FYN: variants seen among roughly 807,000 people sequenced by gnomAD.
FYN encodes the protein FYN proto-oncogene, Src family tyrosine kinase.
Under a neutral mutation model 70.2 loss-of-function variants are expected in FYN, and 10 were observed. That is an observed-to-expected ratio of 0.14 (90% CI 0.09 to 0.24). The LOEUF (loss-of-function observed/expected upper bound fraction) is 0.24, where lower values mean the gene tolerates loss of function less well. Among genes scored for constraint, FYN ranks in the 10% least tolerant of loss-of-function variants. The probability of loss-of-function intolerance (pLI) is 1.00; values close to 1 mark genes in which losing one functional copy is unlikely to be tolerated. For synonymous variants in FYN, 236 were observed against 248.6 expected (o/e 0.95, Z 0.48); for missense variants, 319 against 673.1 (o/e 0.47, Z 5.82).
chr6:111,709,321 C>T (rs566372308), intron 5 of FYN, among the ~76,000 whole-genome samples: 10 of 152,276 alleles, frequency 6.6e-5, no homozygotes, highest in African/African-American at 1.4e-4. Context: ...AATAATCAGC[C>T]TCCACATTAA....
At chr6:111,867,460 A>AAG (rs72341435) in intron 1 of FYN, among the ~76,000 whole-genome samples, 68 of 109,142 alleles carry the variant, frequency 6.2e-4, no homozygotes, top group Admixed American at 3.1e-3. Context: ...CGTCTCGGGA[A>AAG]AAAAAAAAAA....
At chr6:111,672,920 G>A (rs1485472988) in intron 13 of FYN, among the ~76,000 whole-genome samples, 3 of 152,044 alleles carry the variant, frequency 2.0e-5, no homozygotes, top group African/African-American at 7.2e-5. Flanking sequence ...CCTTCTCCAA[G>A]GCCCCCACCT....
intron 2 of FYN, among the ~76,000 whole-genome samples, chr6:111,817,982 A>G (rs1407687690): frequency 6.6e-6 from 1 of 152,212 alleles, no homozygotes; most frequent in Non-Finnish European, 1.5e-5. Context: ...CCATCTATGC[A>G]CATGTGCCCT....
chr6:111,851,519 G>C (rs55737150), intron 1 of FYN, among the ~76,000 whole-genome samples: 42,788 of 152,066 alleles, frequency 0.28, 8,959 homozygotes, highest in African/African-American at 0.6. Flanking sequence ...GTACCTAGAA[G>C]CACTAACTGC....
intron 3 of FYN, among the ~76,000 whole-genome samples, chr6:111,726,473 G>A (rs193200337): frequency 2.6e-5 from 4 of 152,296 alleles, no homozygotes; most frequent in East Asian, 3.9e-4. Flanking sequence ...CTTTACAAGG[G>A]AGGAAAAGAG....
intron 3 of FYN, among the ~76,000 whole-genome samples, chr6:111,751,467 C>T (rs201802907): frequency 1.2e-5 from 1 of 85,342 alleles, no homozygotes; most frequent in South Asian, 4.5e-4. Context: ...CAACAAAAAC[C>T]CCCCAAAACT....
intron 3 of FYN, among the ~76,000 whole-genome samples, chr6:111,733,010 CA>C (rs1440425293): frequency 2.0e-5 from 3 of 152,120 alleles, no homozygotes; most frequent in Non-Finnish European, 2.9e-5. Flanking sequence ...TTTGTTATAA[CA>C]GGGAGTCTGC....
At chr6:111,870,090 T>C (rs983298863) in intron 1 of FYN, among the ~76,000 whole-genome samples, 1 of 152,198 alleles carries the variant, frequency 6.6e-6, no homozygotes, top group African/African-American at 2.4e-5. Flanking sequence ...ATTCTGTATC[T>C]TTTTTCTGAG....
intron 3 of FYN, among the ~76,000 whole-genome samples, chr6:111,743,599 T>C (rs189265011): frequency 6.6e-6 from 1 of 152,172 alleles, no homozygotes; most frequent in East Asian, 1.9e-4. Context: ...AACTCCTGTA[T>C]ATTTGGTTAG....
chr6:111,825,551 T>C (rs2114386741), intron 2 of FYN, among the ~76,000 whole-genome samples: 1 of 152,318 alleles, frequency 6.6e-6, no homozygotes, highest in South Asian at 2.1e-4. Context: ...TAAGGTAAGA[T>C]AGAAGAATGC....
chr6:111,871,561 G>A (rs1420590454), intron 1 of FYN, among the ~76,000 whole-genome samples: 1 of 152,172 alleles, frequency 6.6e-6, no homozygotes, highest in African/African-American at 2.4e-5. Context: ...ACATCACTGG[G>A]CAGACAGGAT....
intron 2 of FYN, chr6:111,814,154 G>C (rs1443094538): frequency 6.6e-6 from 1 of 152,198 alleles, no homozygotes; most frequent in Non-Finnish European, 1.5e-5. Context: ...AAAAGCTACA[G>C]GGAAAAATCC....
chr6:111,805,159 G>A (rs1171294642), intron 2 of FYN, among the ~76,000 whole-genome samples: 1 of 152,074 alleles, frequency 6.6e-6, no homozygotes. Flanking sequence ...TATGGCCAAG[G>A]AGCAGGAACA....
At chr6:111,699,119 G>A (rs1023827451) in intron 9 of FYN, among the ~76,000 whole-genome samples, 8 of 152,138 alleles carry the variant, frequency 5.3e-5, no homozygotes, top group African/African-American at 1.7e-4. Context: ...TTTTACAGAT[G>A]AAAAAACTGA....
chr6:111,681,620 A>T (rs901576627), intron 12 of FYN, among the ~76,000 whole-genome samples: 6 of 152,208 alleles, frequency 3.9e-5, no homozygotes, highest in Non-Finnish European at 7.3e-5. Flanking sequence ...CCTCAGCTCC[A>T]GTCCCACCTC....
At chr6:111,712,980 G>C (rs1180363482) in intron 5 of FYN, among the ~76,000 whole-genome samples, 1 of 152,150 alleles carries the variant, frequency 6.6e-6, no homozygotes, top group East Asian at 1.9e-4. Context: ...GTACACTTTT[G>C]ATACGTGCAC....
intron 13 of FYN, among the ~76,000 whole-genome samples, chr6:111,662,818 G>C (rs9387024): frequency 0.4 from 61,032 of 152,088 alleles, 13,770 homozygotes; most frequent in East Asian, 0.55. Flanking sequence ...AGTGCCCTGA[G>C]GTTTGGTGAA....
intron 9 of FYN, 189 bp downstream of exon 9, chr6:111,699,913 CTT>C (rs71021861): frequency 0.045 from 8,383 of 184,672 alleles, 4 homozygotes; most frequent in East Asian, 0.086. Context: ...CACTTACTAT[CTT>C]TTTTTTTTTT....
chr6:111,864,658 A>C (rs1774057140), intron 1 of FYN, among the ~76,000 whole-genome samples: 1 of 152,162 alleles, frequency 6.6e-6, no homozygotes, highest in Admixed American at 6.5e-5. Flanking sequence ...GGGAGTCATC[A>C]GAAAGGGTGA....
Sources: gnomAD v4.1 joint callset for allele counts (sites outside exome capture counted in the v4.1 genomes callset) on GRCh38, gnomAD v4.1.1 for gene constraint, MANE v1.5 for transcripts, NCBI Gene and HGNC (gene_info 2026-07-23, HGNC 2026-07-21) for gene names.